KCTD16: variants seen among roughly 807,000 people sequenced by gnomAD.
KCTD16 encodes the protein potassium channel tetramerization domain containing 16.
Under a neutral mutation model 33.2 loss-of-function variants are expected in KCTD16, and 13 were observed. The ratio of observed to expected loss-of-function variants is 0.39; its 90% CI spans 0.25 to 0.62. KCTD16 has a LOEUF of 0.62. Ranked by LOEUF, KCTD16 falls within the 20% of genes least tolerant of loss-of-function variation. KCTD16 has a pLI of 0.50. For missense variants in KCTD16, 441 were observed against 525.1 expected, an observed-to-expected ratio of 0.84 and a Z score of 1.57; for synonymous variants, 197 against 195.3, an observed-to-expected ratio of 1.01 and a Z score of -0.07.
At chr5:144,442,636 T>G (rs987489597) in intron 3 of KCTD16, among the ~76,000 whole-genome samples, 1 of 151,880 alleles carries the variant, frequency 6.6e-6, no homozygotes, top group Non-Finnish European at 1.5e-5. Flanking sequence ...GGTTGCTCTG[T>G]AATTCTGCTT....
At chr5:144,395,401 G>C (rs746207395) in intron 3 of KCTD16, among the ~76,000 whole-genome samples, 4 of 152,154 alleles carry the variant, frequency 2.6e-5, no homozygotes, top group Admixed American at 6.5e-5. Context: ...ACTGAAAAGA[G>C]GTCTTGCCGC....
chr5:144,408,756 T>C (rs559143215), intron 3 of KCTD16, among the ~76,000 whole-genome samples: 12 of 152,336 alleles, frequency 7.9e-5, no homozygotes, highest in Non-Finnish European at 1.5e-4. Context: ...CAACTTTATA[T>C]GATTATCCTC....
chr5:144,299,124 ATATATATATATATATATATATATAT>A lies in KCTD16; in HGVS notation c.832+91580_832+91604del, dbSNP rs1345950366. 9.7e-3 allele frequency among the ~76,000 whole-genome samples: 222 copies of A among 23,000 alleles called. 10 individuals carry two copies. The highest frequency in any genetic ancestry group is 0.013 in the Non-Finnish European group (183 of 14,346). The allele number at this position is 23,000 out of a possible 152,430, so 15.1% of individuals were successfully genotyped here. On this transcript the variant is annotated intron_variant, in intron 3 of 3. Coordinates refer to ENST00000512467, the MANE Select transcript of KCTD16 (RefSeq NM_020768.4). ...TATATATATATATATATATATATAT[ATATATATATATATATATATATATAT>A]TTTTTTTTTTTTTTTTAACCTGTCA...
intron 3 of KCTD16, among the ~76,000 whole-genome samples, chr5:144,289,867 T>C (rs1018495095): frequency 3.9e-5 from 6 of 152,098 alleles, no homozygotes; most frequent in Non-Finnish European, 8.8e-5. Flanking sequence ...TGGAAATGCA[T>C]CTTATACCAT....
At chr5:144,405,642 A>G (rs529585871) in intron 3 of KCTD16, among the ~76,000 whole-genome samples, 2 of 152,312 alleles carry the variant, frequency 1.3e-5, no homozygotes, top group Non-Finnish European at 2.9e-5. Context: ...ACAGCTCACC[A>G]GATAGCTCTG....
chr5:144,377,949 G>A (rs1752129144), intron 3 of KCTD16: 1 of 152,130 alleles, frequency 6.6e-6, no homozygotes. Context: ...CCAAGTAAGG[G>A]AAAGCATGAA....
intron 3 of KCTD16, among the ~76,000 whole-genome samples, chr5:144,263,830 G>A (rs536298432): frequency 6.6e-6 from 1 of 152,320 alleles, no homozygotes; most frequent in African/African-American, 2.4e-5. Flanking sequence ...AGATCAGAGT[G>A]CCACCATGAC....
At chr5:144,205,718 T>A in intron 2 of KCTD16, 1 of 397,168 alleles carries the variant, frequency 2.5e-6, no homozygotes, top group East Asian at 3.6e-5. Context: ...TTTGGTTGAA[T>A]ATTTTCTCTG....
intron 2 of KCTD16, among the ~76,000 whole-genome samples, chr5:144,194,508 G>A (rs1010949326): frequency 3.3e-5 from 5 of 152,210 alleles, no homozygotes; most frequent in African/African-American, 7.2e-5. Flanking sequence ...CTCTTGTGGA[G>A]CTAATAATTA....
intron 3 of KCTD16, among the ~76,000 whole-genome samples, chr5:144,227,806 G>A (rs773942058): frequency 6.6e-6 from 1 of 152,142 alleles, no homozygotes; most frequent in South Asian, 2.1e-4. Context: ...GAAGGTAGAG[G>A]CATCAGAATA....
Position 144,475,652 on chromosome 5 carries a change from AATTT to A in KCTD16, c.*1539_*1542del, listed in dbSNP as rs1469980566. On this transcript the variant is annotated 3_prime_UTR_variant, in exon 4 of 4. Coordinates refer to ENST00000512467, the MANE Select transcript of KCTD16 (RefSeq NM_020768.4). Reference sequence around the variant, plus strand: ...TAATAGTTGTGTGCCAAGCACTCCTAATTTGTTTTATTGCGTGTGTGTGCATGTG... The same window carrying A: ...TAATAGTTGTGTGCCAAGCACTCCTAGTTTTATTGCGTGTGTGTGCATGTG... 6.6e-6 allele frequency: 1 copy of A among 152,590 alleles called. No individual in the cohort carries two copies. The highest frequency in any genetic ancestry group is 2.4e-5 in the African/African-American group (1 of 41,434). 9.5% of individuals were successfully genotyped at this position (152,590 alleles called of 1,614,324 possible).
At chr5:144,258,128 A>G (rs1010803321) in intron 3 of KCTD16, among the ~76,000 whole-genome samples, 9 of 152,198 alleles carry the variant, frequency 5.9e-5, no homozygotes, top group African/African-American at 1.7e-4. Flanking sequence ...AGTCCTAGGA[A>G]TGCTGAAATG....
intron 3 of KCTD16, among the ~76,000 whole-genome samples, chr5:144,438,346 A>G (rs1181811558): frequency 6.6e-6 from 1 of 152,238 alleles, no homozygotes; most frequent in African/African-American, 2.4e-5. Context: ...GCTGAAAAGC[A>G]CAGGAATAGA....
At chr5:144,191,081 A>G (rs531132930) in intron 2 of KCTD16, among the ~76,000 whole-genome samples, 1 of 152,150 alleles carries the variant, frequency 6.6e-6, no homozygotes, top group Non-Finnish European at 1.5e-5. Context: ...CCTTTCTTTC[A>G]TGGCTGGGGG....
chr5:144,189,964 G>C (rs1752808770), intron 2 of KCTD16, among the ~76,000 whole-genome samples: 1 of 152,162 alleles, frequency 6.6e-6, no homozygotes, highest in Non-Finnish European at 1.5e-5. Context: ...GACAGACTGG[G>C]GAAATCCACC....
intron 3 of KCTD16, among the ~76,000 whole-genome samples, chr5:144,260,396 G>A (rs1039458805): frequency 3.3e-5 from 5 of 152,214 alleles, no homozygotes; most frequent in Admixed American, 6.5e-5. Flanking sequence ...CAAGGGTAAA[G>A]TAGTTAAAGA....
rs371335456 is a variant in KCTD16, at chr5:144,461,945, G to A, written c.833-11715G>A. ...CCAGAAAGACTGCCAGAACTTCCCC[G>A]CTCTCCAAAGTCACACTGGGTGCCC... On this transcript the variant is annotated intron_variant, in intron 3 of 3. Transcript: ENST00000512467. Among the ~76,000 whole-genome samples, 15 of 152,156 alleles carry A rather than the reference G, an allele frequency of 9.9e-5. No homozygotes were observed. In the East Asian group the frequency reaches 1.9e-3, roughly 20 times the overall value.
intron 2 of KCTD16, chr5:144,205,208 C>T (rs1462704470): frequency 8.2e-6 from 2 of 242,716 alleles, no homozygotes; most frequent in Non-Finnish European, 1.6e-5. Flanking sequence ...GCCCCAAGCC[C>T]CGCGCGCCTG....
At chr5:144,250,774 C>T (rs1370489920) in intron 3 of KCTD16, among the ~76,000 whole-genome samples, 6 of 152,000 alleles carry the variant, frequency 3.9e-5, no homozygotes, top group African/African-American at 7.3e-5. Flanking sequence ...TAACATTGGG[C>T]TAACAATATC....
Sources: gnomAD v4.1 joint callset for allele counts (sites outside exome capture counted in the v4.1 genomes callset) on GRCh38, gnomAD v4.1.1 for gene constraint, MANE v1.5 for transcripts, NCBI Gene and HGNC (gene_info 2026-07-23, HGNC 2026-07-21) for gene names.